Variants in NRXN2 observed in about 807,000 individuals in gnomAD.
NRXN2 encodes neurexin 2.
In NRXN2, 29 loss-of-function variants were observed where a neutral mutation model predicts 128.8. The observed-to-expected ratio is 0.23, with a 90% CI of 0.17 to 0.31. The LOEUF is 0.31. Ranked by LOEUF, NRXN2 falls within the 10% of genes least tolerant of loss-of-function variation. The pLI is 1.00. For synonymous variants in NRXN2, 1,098 were observed against 1,075.2 expected (o/e 1.02, Z -0.41); for missense variants, 1,881 against 2,452.6 (o/e 0.77, Z 4.92).
At chr11:64,699,425 CTT>C (rs67776872) in intron 2 of NRXN2, among the ~76,000 whole-genome samples, 4 of 92,118 alleles carry the variant, frequency 4.3e-5, no homozygotes, top group African/African-American at 1.7e-4. Flanking sequence ...TAATAGTTTT[CTT>C]TTTTTTTTTT....
chr11:64,722,008 G>A lies in NRXN2; in HGVS notation c.-245+963C>T, dbSNP rs1268154357. ...TCAGGAGGGGGGTGAGAGTAAAGGA[G>A]ACAACAGCACCCCAAAGCCAATTGT... On this transcript the variant is annotated intron_variant, in intron 1 of 22. Transcript: ENST00000265459. Among the ~76,000 whole-genome samples, 9 of 152,080 alleles carry A rather than the reference G, an allele frequency of 5.9e-5. No homozygotes were observed. The East Asian group carries it at 1.7e-3, about 29-fold the overall frequency.
At chr11:64,685,035 C>T (rs529118099) in intron 6 of NRXN2, among the ~76,000 whole-genome samples, 1 of 152,278 alleles carries the variant, frequency 6.6e-6, no homozygotes, top group South Asian at 2.1e-4. Flanking sequence ...AGGGCCAAGC[C>T]CCCTCTCTGC....
In NRXN2 at chr11:64,636,265, C is replaced by T. The variant is rs530331808; in HGVS notation, c.3404-813G>A. Reference sequence around the variant, plus strand: ...TCTCCCAGCCCTCCCCTACCCCACCCTCTCTCCCCTTCTCCTTCTCTTCTT... The same window carrying T: ...TCTCCCAGCCCTCCCCTACCCCACCTTCTCTCCCCTTCTCCTTCTCTTCTT... On this transcript the variant is annotated intron_variant, in intron 17 of 22. Coordinates refer to ENST00000265459, the MANE Select transcript of NRXN2 (RefSeq NM_015080.4). Among the ~76,000 whole-genome samples the T allele has an allele frequency of 1.0e-3, 153 of 152,190 alleles. 2 individuals are homozygous for T. The South Asian group carries it at 0.03, about 29-fold the overall frequency.
chr11:64,673,486 C>G (rs887418886), intron 7 of NRXN2, among the ~76,000 whole-genome samples: 1 of 152,218 alleles, frequency 6.6e-6, no homozygotes, highest in African/African-American at 2.4e-5. Context: ...TACAAGGCCT[C>G]TGACTCTGGT....
Position 64,635,362 on chromosome 11 carries a change from A to G in NRXN2, c.3494T>C (p.Leu1165Pro). The stretch of plus-strand genomic sequence containing the variant: ...CTGGTGGGTGCTGAAGCCCACGGCC[A>G]GGCGATCCATCCTCGTGCTGGGCCT... ...NDRPSTRMDRLAVGFSTHQRS... is the reference protein window; with the variant it reads ...NDRPSTRMDRPAVGFSTHQRS... Residue 1165 changes from leucine (L) to proline (P), a missense_variant, in exon 18 of 23, where the codon CTG becomes CCG. By Grantham distance (98) the Leu-to-Pro change is moderately conservative. Around this residue, in one of 7 missense-constraint regions of NRXN2, gnomAD observed 390 missense variants for 599.6 expected, o/e 0.65. Coordinates refer to ENST00000265459, the MANE Select transcript of NRXN2 (RefSeq NM_015080.4). This position sits in a 1 kb window ranked among gnomAD's most constrained non-coding sequence, Gnocchi z 4.8. The G allele has an allele frequency of 6.2e-7, 1 of 1,613,670 alleles. No individual in the cohort carries two copies. The highest frequency in any genetic ancestry group is 8.5e-7 in the Non-Finnish European group (1 of 1,180,014).
intron 2 of NRXN2, among the ~76,000 whole-genome samples, chr11:64,705,812 T>C (rs770927469): frequency 3.3e-5 from 5 of 150,458 alleles, no homozygotes; most frequent in Non-Finnish European, 7.4e-5. Flanking sequence ...CGTGCAGACC[T>C]GAAACTTCAT....
At chr11:64,653,475 CCTCCCCCAGCT>C (rs1311882676) in intron 12 of NRXN2, among the ~76,000 whole-genome samples, 9 of 152,126 alleles carry the variant, frequency 5.9e-5, no homozygotes, top group Non-Finnish European at 1.5e-5. Flanking sequence ...GACTGCAGGC[CCTCCCCCAGCT>C]CTCCTTGGCT....
intron 3 of NRXN2, among the ~76,000 whole-genome samples, chr11:64,693,513 G>A (rs952350269): frequency 4.6e-5 from 7 of 152,140 alleles, no homozygotes; most frequent in Admixed American, 2.0e-4. Context: ...CCCCTAGGAT[G>A]CTGGTAGAAA....
intron 2 of NRXN2, among the ~76,000 whole-genome samples, chr11:64,711,065 A>T (rs2056838949): frequency 6.6e-6 from 1 of 152,192 alleles, no homozygotes; most frequent in Admixed American, 6.5e-5. Context: ...TTCATCGACC[A>T]CAACTACAGA....
chr11:64,612,001 C>T (rs976861960), intron 22 of NRXN2, among the ~76,000 whole-genome samples: 3 of 152,000 alleles, frequency 2.0e-5, no homozygotes, highest in Non-Finnish European at 4.4e-5. Flanking sequence ...TCCCACACCC[C>T]ACTTCCTCTC....
chr11:64,619,918 T>C (rs556183492), intron 22 of NRXN2, among the ~76,000 whole-genome samples: 1 of 152,128 alleles, frequency 6.6e-6, no homozygotes, highest in Admixed American at 6.5e-5. Flanking sequence ...GGAGTTGTGG[T>C]TCTGGACCCA....
intron 5 of NRXN2, 103 bp downstream of exon 5, chr11:64,690,302 A>T: frequency 9.6e-7 from 1 of 1,039,932 alleles, no homozygotes; most frequent in East Asian, 2.6e-5. Context: ...CTCAGAGAGG[A>T]CAAGGGGATG....
intron 22 of NRXN2, among the ~76,000 whole-genome samples, chr11:64,619,130 A>G (rs1460084688): frequency 6.6e-6 from 1 of 151,602 alleles, no homozygotes; most frequent in Non-Finnish European, 1.5e-5. Context: ...TGACCACATA[A>G]TCTCCCCCAA....
rs778754780 is a variant in NRXN2 at position 64,668,479 on chromosome 11, C to T, written c.1323G>A (p.Ser441=). 7 of 1,614,042 alleles carry T rather than the reference C, an allele frequency of 4.3e-6. No individual in the cohort carries two copies. In the East Asian group the frequency reaches 1.1e-4, roughly 26 times the overall value. Residue 441 remains serine (S), a synonymous_variant, in exon 8 of 23, where the codon TCG becomes TCA. Coordinates refer to ENST00000265459, the MANE Select transcript of NRXN2 (RefSeq NM_015080.4). ...GSPNTADLPG[S]PVSNNFMGCL... is the part of the protein sequence containing the mutation. ...AGCCCATGAAGTTGTTGCTGACGGG[C>T]GAGCCCGGCAGGTCAGCTGTGTTGG... is the stretch of plus-strand genomic sequence containing the variant.
chr11:64,666,102 G>A (rs915813424), intron 9 of NRXN2, among the ~76,000 whole-genome samples: 5 of 152,052 alleles, frequency 3.3e-5, no homozygotes, highest in African/African-American at 1.2e-4. Context: ...GGGGTTCTGT[G>A]ACAGCCAAGA....
chr11:64,706,760 T>G (rs1487016361), intron 2 of NRXN2, among the ~76,000 whole-genome samples: 2 of 152,152 alleles, frequency 1.3e-5, no homozygotes, highest in African/African-American at 4.8e-5. Context: ...CCAACCAAGT[T>G]TATTAATCAA....
intron 9 of NRXN2, among the ~76,000 whole-genome samples, chr11:64,662,880 A>G (rs1454589115): frequency 6.6e-6 from 1 of 151,614 alleles, no homozygotes; most frequent in Non-Finnish European, 1.5e-5. Flanking sequence ...CCTAGTTAGA[A>G]AAAAAAAAGA....
At chr11:64,688,047 T>C (rs930454173) in intron 5 of NRXN2, among the ~76,000 whole-genome samples, 2 of 151,848 alleles carry the variant, frequency 1.3e-5, no homozygotes, top group African/African-American at 4.8e-5. Context: ...AAAGAAAGTA[T>C]CATTAAAGAG....
intron 11 of NRXN2, among the ~76,000 whole-genome samples, chr11:64,658,530 C>G (rs1425028481): frequency 6.6e-6 from 1 of 152,218 alleles, no homozygotes; most frequent in Non-Finnish European, 1.5e-5. Flanking sequence ...CCCTGGCCAC[C>G]TGCATATCTC....
Sources: allele counts gnomAD v4.1 joint callset (sites outside exome capture counted in the v4.1 genomes callset), GRCh38; gene constraint gnomAD v4.1.1; regional missense constraint gnomAD v4.1.1; non-coding constraint Gnocchi (gnomAD v3.1); transcripts MANE v1.5; gene names NCBI Gene and HGNC (gene_info 2026-07-23, HGNC 2026-07-21).